EYA2: variants seen among roughly 807,000 people sequenced by gnomAD.
EYA2 encodes the protein protein phosphatase EYA2.
Under a neutral mutation model 69.2 loss-of-function variants are expected in EYA2, and 31 were observed. That is an observed-to-expected ratio of 0.45 (90% CI 0.34 to 0.60). The LOEUF is 0.60. Among genes scored for constraint, EYA2 ranks in the 20% least tolerant of loss-of-function variants. The pLI is 0.02. For synonymous variants in EYA2, 257 were observed against 279.4 expected, an observed-to-expected ratio of 0.92 and a Z score of 0.80; for missense variants, 622 against 701.2, an observed-to-expected ratio of 0.89 and a Z score of 1.28.
intron 1 of EYA2, among the ~76,000 whole-genome samples, chr20:46,965,153 T>C (rs772422076): frequency 1.8e-4 from 28 of 152,108 alleles, no homozygotes; most frequent in Non-Finnish European, 3.4e-4. Flanking sequence ...GTGCTCTATG[T>C]CCAGTACTTA....
intron 9 of EYA2, among the ~76,000 whole-genome samples, chr20:47,131,484 A>T (rs1387555698): frequency 6.6e-6 from 1 of 152,222 alleles, no homozygotes. Context: ...ATGGCACCCC[A>T]AAGACGTCCA....
At chr20:47,181,886 T>C (rs2034544502) in intron 14 of EYA2, among the ~76,000 whole-genome samples, 1 of 152,202 alleles carries the variant, frequency 6.6e-6, no homozygotes, top group Non-Finnish European at 1.5e-5. Flanking sequence ...AGATCCTGTC[T>C]TTTCATTTTT....
At chr20:47,057,848 GGAGGC>G (rs1277729001) in intron 5 of EYA2, among the ~76,000 whole-genome samples, 1 of 152,218 alleles carries the variant, frequency 6.6e-6, no homozygotes, top group Non-Finnish European at 1.5e-5. Context: ...ACAGGTGTGT[GGAGGC>G]AGGACGGCCT....
chr20:47,143,092 A>T lies in EYA2; in HGVS notation c.922A>T (p.Met308Leu), dbSNP rs1188592645. The change falls in exon 10 of 16, where the codon ATG (methionine) becomes TTG (leucine). Residue 308 changes from methionine to leucine, a missense_variant. Around this residue, in one of 2 missense-constraint regions of EYA2, gnomAD observed 257 missense variants for 351.5 expected, o/e 0.73. Transcript: ENST00000327619. ...GACGTCCGTGCGCATTGGCCTTATG[A>T]TGGAAGAGATGATCTTCAACCTTGC... is the stretch of plus-strand genomic sequence containing the variant. Reference protein sequence around the residue: ...TTTSVRIGLMMEEMIFNLADT... With the variant: ...TTTSVRIGLMLEEMIFNLADT... 1 of 1,613,886 alleles carries T rather than the reference A, an allele frequency of 6.2e-7. No homozygotes were observed. The highest frequency in any genetic ancestry group is 8.5e-7 in the Non-Finnish European group (1 of 1,179,916).
rs897785312 is a variant in EYA2 at position 47,022,701 on chromosome 20, T to C, written c.415+6404T>C. Among the ~76,000 whole-genome samples, 8 of 131,800 alleles carry C rather than the reference T, an allele frequency of 6.1e-5. No homozygotes were observed. The Admixed American group carries it at 7.2e-4, about 12-fold the overall frequency. 86.5% of individuals were successfully genotyped at this position (131,800 alleles called of 152,430 possible). On this transcript the variant is annotated intron_variant, in intron 5 of 15. Transcript: ENST00000327619. ...GAGGCAGGGTCTCTGTCACCCGGGC[T>C]GGAGTGCAGTGGTGCGATGACAGCT...
intron 1 of EYA2, among the ~76,000 whole-genome samples, chr20:46,934,084 T>C (rs1356851335): frequency 6.6e-6 from 1 of 152,186 alleles, no homozygotes; most frequent in Non-Finnish European, 1.5e-5. Flanking sequence ...CTGAGATCTC[T>C]GAAAAAGCTA....
intron 5 of EYA2, among the ~76,000 whole-genome samples, chr20:47,023,320 G>A (rs1240022757): frequency 1.3e-5 from 2 of 152,186 alleles, no homozygotes; most frequent in African/African-American, 4.8e-5. Flanking sequence ...CTCGGAAGTT[G>A]CATTGTTTCA....
At chr20:47,132,811 A>T (rs1479182753) in intron 9 of EYA2, among the ~76,000 whole-genome samples, 2 of 152,140 alleles carry the variant, frequency 1.3e-5, no homozygotes, top group Admixed American at 6.5e-5. Context: ...CTACATAATA[A>T]CCCAGGCCCT....
chr20:47,163,756 T>G (rs1305997728), intron 10 of EYA2, among the ~76,000 whole-genome samples: 2 of 150,676 alleles, frequency 1.3e-5, no homozygotes. Context: ...CTGGGTAGGA[T>G]TCCACTGAAT....
chr20:46,981,826 C>T (rs1348585054), intron 1 of EYA2, among the ~76,000 whole-genome samples: 1 of 152,008 alleles, frequency 6.6e-6, no homozygotes, highest in Non-Finnish European at 1.5e-5. Context: ...TTGTAATAAG[C>T]ATGTAGTTAG....
chr20:47,022,655 C>CTT (rs3092574), intron 5 of EYA2, among the ~76,000 whole-genome samples: 61,319 of 105,444 alleles, frequency 0.58, 19,818 homozygotes, highest in Non-Finnish European at 0.63. Context: ...TAAACTTCAC[C>CTT]TTTTTTTTTT....
chr20:47,129,168 T>A (rs1174869552), intron 9 of EYA2, among the ~76,000 whole-genome samples: 1 of 152,158 alleles, frequency 6.6e-6, no homozygotes. Context: ...ATTCAAGCTC[T>A]GATCTAGGTA....
chr20:47,053,049 C>G (rs930597706), intron 5 of EYA2, among the ~76,000 whole-genome samples: 3 of 152,200 alleles, frequency 2.0e-5, no homozygotes, highest in African/African-American at 7.2e-5. Flanking sequence ...AGCCCTTAAC[C>G]TATTGCCTGT....
intron 5 of EYA2, among the ~76,000 whole-genome samples, chr20:47,040,173 C>A (rs1467606390): frequency 6.6e-6 from 1 of 152,150 alleles, no homozygotes; most frequent in African/African-American, 2.4e-5. Context: ...CAATGTTTAG[C>A]CATGCTTGGT....
rs75441944 is a variant in EYA2 at position 47,109,579 on chromosome 20, C to T, written c.888+12411C>T. Among the ~76,000 whole-genome samples, 972 of 152,256 alleles carry T rather than the reference C, an allele frequency of 6.4e-3. 19 individuals carry two copies. The highest frequency in any genetic ancestry group is 0.022 in the African/African-American group (928 of 41,532). ...TTATTTATTTCTGAGACAGGGGTCTCGTCATGTTGCCCACGCTAGTCTCGA... is the reference window on the plus strand; with the variant it reads ...TTATTTATTTCTGAGACAGGGGTCTTGTCATGTTGCCCACGCTAGTCTCGA... On this transcript the variant is annotated intron_variant, in intron 9 of 15. Coordinates refer to ENST00000327619, the MANE Select transcript of EYA2 (RefSeq NM_005244.5).
At chr20:47,075,570 C>T (rs773260165) in intron 7 of EYA2, among the ~76,000 whole-genome samples, 1 of 152,040 alleles carries the variant, frequency 6.6e-6, no homozygotes, top group Non-Finnish European at 1.5e-5. Flanking sequence ...ATCTAAAATC[C>T]GTTTGAGAAC....
chr20:47,124,123 T>C (rs1393162940), intron 9 of EYA2, among the ~76,000 whole-genome samples: 1 of 152,174 alleles, frequency 6.6e-6, no homozygotes, highest in African/African-American at 2.4e-5. Flanking sequence ...CAGCTTCAAA[T>C]TCTGGGTGCT....
At chr20:47,107,416 C>T (rs7363360) in intron 9 of EYA2, among the ~76,000 whole-genome samples, 2 of 150,378 alleles carry the variant, frequency 1.3e-5, no homozygotes, top group Admixed American at 1.3e-4. Context: ...TCCCAGCTAT[C>T]TGGGAGGCTT....
At chr20:46,905,533 G>A (rs896097798) in intron 1 of EYA2, among the ~76,000 whole-genome samples, 12 of 152,184 alleles carry the variant, frequency 7.9e-5, no homozygotes, top group African/African-American at 9.7e-5. Context: ...AAAAAGTAAC[G>A]TAAGTGGGTT....
Sources: gnomAD v4.1 joint callset for allele counts (sites outside exome capture counted in the v4.1 genomes callset) on GRCh38, gnomAD v4.1.1 for gene constraint, gnomAD v4.1.1 regional missense constraint, MANE v1.5 for transcripts, NCBI Gene and HGNC (gene_info 2026-07-23, HGNC 2026-07-21) for gene names.